The following ZC3H12B variants were observed in gnomAD, a reference collection of about 807,000 sequenced individuals.
The protein encoded by ZC3H12B is probable ribonuclease ZC3H12B.
ZC3H12B carries 7 observed loss-of-function variants against 43.9 expected under a neutral mutation model. That is an observed-to-expected ratio of 0.16 (90% CI 0.09 to 0.30). ZC3H12B has a LOEUF of 0.30. Ranked by LOEUF, ZC3H12B falls within the 10% of genes least tolerant of loss-of-function variation. ZC3H12B has a pLI of 1.00. For synonymous variants in ZC3H12B, 222 were observed against 241.7 expected (o/e 0.92, Z 0.76); for missense variants, 475 against 670.2 (o/e 0.71, Z 3.22).
At chrX:65,225,424 A>T in the ZC3H12B span, among the ~76,000 whole-genome samples, 1 of 112,262 alleles carries the variant, frequency 8.9e-6, no homozygotes, top group Non-Finnish European at 1.9e-5. Context: ...AAAGACGGGG[A>T]AAAAACAGAG....
At chrX:65,488,454 C>T (rs1212643919), upstream of ZC3H12B, among the ~76,000 whole-genome samples, 3 of 109,325 alleles carry the variant, frequency 2.7e-5, no homozygotes, top group Non-Finnish European at 5.7e-5. Flanking sequence ...ATTACCACCA[C>T]TGAAATTTTT....
chrX:65,425,849 T>C (rs1326710226), intron 3 of ZC3H12B, among the ~76,000 whole-genome samples: 1 of 111,736 alleles, frequency 8.9e-6, no homozygotes, highest in African/African-American at 3.2e-5. Flanking sequence ...GATATGCTAC[T>C]GGATTTGCTT....
At chrX:65,458,480 C>G (rs12839429) in intron 3 of ZC3H12B, among the ~76,000 whole-genome samples, 3 of 111,612 alleles carry the variant, frequency 2.7e-5, no homozygotes, top group African/African-American at 9.8e-5. Context: ...CTCAGCAAAT[C>G]TAAAAGAACA....
chrX:65,476,438 T>A (rs2067992781), intron 3 of ZC3H12B, among the ~76,000 whole-genome samples: 1 of 111,831 alleles, frequency 8.9e-6, no homozygotes, highest in Admixed American at 9.5e-5. Context: ...AGTACAGAGA[T>A]TTATTGCAAA....
the ZC3H12B span, among the ~76,000 whole-genome samples, chrX:65,292,200 CAACAG>C: frequency 1.4e-4 from 16 of 111,663 alleles, no homozygotes; most frequent in African/African-American, 5.2e-4. Flanking sequence ...CTACTAGTCA[CAACAG>C]AACACAATTC....
At chrX:65,201,461 A>G in the ZC3H12B span, among the ~76,000 whole-genome samples, 6 of 111,192 alleles carry the variant, frequency 5.4e-5, no homozygotes, top group African/African-American at 2.0e-4. Context: ...TAGTCTAGCT[A>G]GTGGTCTATT....
the ZC3H12B span, among the ~76,000 whole-genome samples, chrX:65,153,365 A>G: frequency 8.9e-6 from 1 of 112,158 alleles, no homozygotes; most frequent in African/African-American, 3.2e-5. Flanking sequence ...AGAATCTACA[A>G]TGAACTCAAA....
At chrX:65,475,515 C>T (rs1292078585) in intron 3 of ZC3H12B, among the ~76,000 whole-genome samples, 1 of 110,660 alleles carries the variant, frequency 9.0e-6, no homozygotes, top group Non-Finnish European at 1.9e-5. Flanking sequence ...GTTGAGAAAT[C>T]CACTGATAGT....
chrX:65,269,834 G>T, the ZC3H12B span, among the ~76,000 whole-genome samples: 3 of 111,077 alleles, frequency 2.7e-5, no homozygotes, highest in Admixed American at 9.6e-5. Flanking sequence ...GGAAGTGAAA[G>T]ATTTATACAC....
chrX:65,424,891 G>A (rs2067062064), intron 3 of ZC3H12B, among the ~76,000 whole-genome samples: 1 of 111,526 alleles, frequency 9.0e-6, no homozygotes, highest in Non-Finnish European at 1.9e-5. Context: ...TTTGAAGTTG[G>A]GTAGTGTGAT....
chrX:65,167,762 G>A, the ZC3H12B span, among the ~76,000 whole-genome samples: 17 of 111,706 alleles, frequency 1.5e-4, no homozygotes, highest in Non-Finnish European at 3.0e-4. Context: ...CACATCCCTT[G>A]TAAGTTAGAT....
At chrX:65,182,686 C>T in the ZC3H12B span, among the ~76,000 whole-genome samples, 92 of 109,156 alleles carry the variant, frequency 8.4e-4, no homozygotes, top group African/African-American at 2.9e-3. Flanking sequence ...GGTCTAATAT[C>T]CAGAATCTTT....
chrX:65,446,573 C>T (rs773471787), intron 3 of ZC3H12B, among the ~76,000 whole-genome samples: 7 of 111,937 alleles, frequency 6.3e-5, no homozygotes, highest in Admixed American at 9.5e-5. Context: ...AATTTAAATG[C>T]TCCCTTCACA....
chrX:65,215,036 G>T, the ZC3H12B span, among the ~76,000 whole-genome samples: 1 of 111,148 alleles, frequency 9.0e-6, no homozygotes, highest in Admixed American at 9.6e-5. Flanking sequence ...TTTTTCTAAT[G>T]AGTAGGTCCC....
chrX:65,347,785 A>T, the ZC3H12B span, among the ~76,000 whole-genome samples: 3 of 112,324 alleles, frequency 2.7e-5, no homozygotes, highest in Non-Finnish European at 5.6e-5. Context: ...ACACATGCAC[A>T]CGTATGTTTA....
chrX:65,471,960 T>C (rs1239289710), intron 3 of ZC3H12B, among the ~76,000 whole-genome samples: 1 of 112,098 alleles, frequency 8.9e-6, no homozygotes, highest in Non-Finnish European at 1.9e-5. Context: ...ATCTATCTTT[T>C]GTTTCAAATT....
intron 3 of ZC3H12B, among the ~76,000 whole-genome samples, chrX:65,461,457 G>A (rs1192367423): frequency 1.8e-5 from 2 of 112,273 alleles, no homozygotes. Flanking sequence ...CAACCCAAAT[G>A]TCCAACAATG....
intron 3 of ZC3H12B, among the ~76,000 whole-genome samples, chrX:65,453,673 G>C (rs187332226): frequency 9.2e-6 from 1 of 108,693 alleles, no homozygotes; most frequent in African/African-American, 3.3e-5. Flanking sequence ...AGTGAACCGA[G>C]ATCATGCCAC....
the ZC3H12B span, among the ~76,000 whole-genome samples, chrX:65,155,163 G>T: frequency 9.1e-6 from 1 of 109,783 alleles, no homozygotes; most frequent in African/African-American, 3.3e-5. Context: ...TCACCATGTT[G>T]CCCAGACTGG....
Sources: allele counts gnomAD v4.1 joint callset (sites outside exome capture counted in the v4.1 genomes callset), GRCh38; gene constraint gnomAD v4.1.1; transcripts MANE v1.5; gene names NCBI Gene and HGNC (gene_info 2026-07-23, HGNC 2026-07-21).